Variants in METTL24 observed in about 807,000 individuals in gnomAD.
METTL24 encodes the protein probable methyltransferase-like protein 24.
Under a neutral mutation model 32.7 loss-of-function variants are expected in METTL24, and 29 were observed. The observed-to-expected ratio is 0.89, with a 90% CI of 0.66 to 1.21. The LOEUF is 1.21. METTL24 is among the 50% of genes most tolerant of loss of function. The pLI, the probability that METTL24 is intolerant of heterozygous loss-of-function variation, is 0.00. For missense variants in METTL24, 439 were observed against 468.1 expected (o/e 0.94, Z 0.57); for synonymous variants, 163 against 179.5 (o/e 0.91, Z 0.73).
At chr6:110,311,542 C>T (rs1296069974) in intron 3 of METTL24, among the ~76,000 whole-genome samples, 6 of 137,896 alleles carry the variant, frequency 4.4e-5, no homozygotes, top group African/African-American at 1.7e-4. Flanking sequence ...GGCACAATCT[C>T]AGCTCACTGC....
chr6:110,355,515 C>T (rs1476406420), intron 1 of METTL24, among the ~76,000 whole-genome samples: 3 of 152,172 alleles, frequency 2.0e-5, no homozygotes, highest in Non-Finnish European at 2.9e-5. Flanking sequence ...GCCACAGGCT[C>T]GGATTGCTTC....
intron 4 of METTL24, among the ~76,000 whole-genome samples, chr6:110,291,369 T>C (rs1429583366): frequency 2.0e-5 from 3 of 152,214 alleles, no homozygotes; most frequent in African/African-American, 7.2e-5. Context: ...ACAATTTTCA[T>C]GATGATGTGA....
At chr6:110,290,409 G>A (rs1771298437) in intron 4 of METTL24, among the ~76,000 whole-genome samples, 1 of 152,104 alleles carries the variant, frequency 6.6e-6, no homozygotes, top group African/African-American at 2.4e-5. Flanking sequence ...GTCTATTCTA[G>A]AACTTTATTT....
chr6:110,339,368 A>C (rs770334526), intron 1 of METTL24, among the ~76,000 whole-genome samples: 4 of 152,212 alleles, frequency 2.6e-5, no homozygotes, highest in Non-Finnish European at 5.9e-5. Context: ...AAACCAATGA[A>C]ATGTGTGCAT....
chr6:110,296,717 T>C (rs1420714773), intron 4 of METTL24, among the ~76,000 whole-genome samples: 5 of 152,196 alleles, frequency 3.3e-5, no homozygotes, highest in Non-Finnish European at 5.9e-5. Flanking sequence ...ATAAAACAGC[T>C]AAAAACGCTT....
chr6:110,269,121 T>C (rs1456931625), intron 4 of METTL24, among the ~76,000 whole-genome samples: 1 of 152,138 alleles, frequency 6.6e-6, no homozygotes, highest in Non-Finnish European at 1.5e-5. Context: ...TGGGAAGCGG[T>C]TGCTGTTTAA....
chr6:110,264,196 G>A (rs1770810540), intron 4 of METTL24, among the ~76,000 whole-genome samples: 1 of 151,784 alleles, frequency 6.6e-6, no homozygotes, highest in African/African-American at 2.4e-5. Context: ...CCCACAGAAT[G>A]GGAGAAAATT....
At chr6:110,280,550 T>TA (rs1164917616) in intron 4 of METTL24, among the ~76,000 whole-genome samples, 3 of 152,178 alleles carry the variant, frequency 2.0e-5, no homozygotes, top group East Asian at 3.9e-4. Context: ...TATTTTAAGT[T>TA]AAAAAAACTC....
At chr6:110,302,450 CAT>C (rs1353160757) in intron 3 of METTL24, among the ~76,000 whole-genome samples, 40 of 120,792 alleles carry the variant, frequency 3.3e-4, no homozygotes, top group Admixed American at 2.0e-3. Flanking sequence ...TATATATACA[CAT>C]ATACACACAT....
rs539873154 is a variant in METTL24 at position 110,299,409 on chromosome 6, ATTGT to A, written c.558-263_558-260del. On this transcript the variant is annotated intron_variant, in intron 3 of 4. Transcript: ENST00000338882. ...CTCAAACATGTAGGCGCATCATCAA[ATTGT>A]TTTTTTTTTAAGTGATGTAAATCAC... is the stretch of plus-strand genomic sequence containing the variant. Among the ~76,000 whole-genome samples, 180 of 152,266 alleles carry A rather than the reference ATTGT, an allele frequency of 1.2e-3. 1 individual carries two copies. The highest frequency in any genetic ancestry group is 2.0e-3 in the Non-Finnish European group (135 of 68,022).
At chr6:110,297,297 C>T (rs923250210) in intron 4 of METTL24, among the ~76,000 whole-genome samples, 12 of 152,192 alleles carry the variant, frequency 7.9e-5, no homozygotes, top group African/African-American at 2.7e-4. Context: ...AAACACAATT[C>T]AGGTACATAC....
chr6:110,267,313 A>C (rs1178668024), intron 4 of METTL24, among the ~76,000 whole-genome samples: 1 of 152,264 alleles, frequency 6.6e-6, no homozygotes, highest in Non-Finnish European at 1.5e-5. Context: ...AAGCAGTACA[A>C]GTTTTGAACT....
At chr6:110,271,575 C>A (rs1396157302) in intron 4 of METTL24, among the ~76,000 whole-genome samples, 1 of 152,116 alleles carries the variant, frequency 6.6e-6, no homozygotes. Context: ...TTTTCACCCA[C>A]ACATACATTT....
chr6:110,337,829 T>G (rs1355613267), intron 1 of METTL24, among the ~76,000 whole-genome samples: 1 of 152,234 alleles, frequency 6.6e-6, no homozygotes, highest in Non-Finnish European at 1.5e-5. Flanking sequence ...CTCTACTATG[T>G]GCAAAATAGA....
At chr6:110,286,155 G>C (rs964659719) in intron 4 of METTL24, among the ~76,000 whole-genome samples, 2 of 152,146 alleles carry the variant, frequency 1.3e-5, no homozygotes, top group Non-Finnish European at 2.9e-5. Flanking sequence ...TCATCGACTG[G>C]GTGGGGAGAG....
chr6:110,351,965 G>GAA (rs1772612315), intron 1 of METTL24, among the ~76,000 whole-genome samples: 1 of 152,120 alleles, frequency 6.6e-6, no homozygotes, highest in Admixed American at 6.5e-5. Context: ...AAATTTAATT[G>GAA]TTAATTATTA....
intron 1 of METTL24, among the ~76,000 whole-genome samples, chr6:110,338,688 A>G (rs1362804747): frequency 6.6e-6 from 1 of 152,252 alleles, no homozygotes; most frequent in Non-Finnish European, 1.5e-5. Context: ...AATAGATTAA[A>G]AAGTTAAGTA....
intron 4 of METTL24, among the ~76,000 whole-genome samples, chr6:110,266,759 C>T (rs1351437798): frequency 6.6e-6 from 1 of 152,140 alleles, no homozygotes; most frequent in Admixed American, 6.6e-5. Flanking sequence ...CTGGAATATA[C>T]TTAAGCAGCC....
intron 4 of METTL24, among the ~76,000 whole-genome samples, chr6:110,291,629 T>C (rs1281505930): frequency 1.3e-5 from 2 of 152,188 alleles, no homozygotes; most frequent in Non-Finnish European, 1.5e-5. Flanking sequence ...TTGTACAGAT[T>C]ATTTCGTCAC....
Sources: allele counts gnomAD v4.1 joint callset (sites outside exome capture counted in the v4.1 genomes callset), GRCh38; gene constraint gnomAD v4.1.1; transcripts MANE v1.5; gene names NCBI Gene and HGNC (gene_info 2026-07-23, HGNC 2026-07-21).